Variants in TANC1 observed in about 807,000 individuals in gnomAD.
TANC1 encodes tetratricopeptide repeat, ankyrin repeat and coiled-coil containing 1.
Under a neutral mutation model 149.7 loss-of-function variants are expected in TANC1, and 77 were observed. The observed-to-expected ratio is 0.51, with a 90% CI of 0.43 to 0.62. The LOEUF is 0.62. Among genes scored for constraint, TANC1 ranks in the 20% least tolerant of loss-of-function variants. The probability of loss-of-function intolerance (pLI) is 0.00; values close to 1 mark genes in which losing one functional copy is unlikely to be tolerated. For missense variants in TANC1, 1,985 were observed against 2,321.8 expected (o/e 0.85, Z 2.98); for synonymous variants, 854 against 925.0 (o/e 0.92, Z 1.39).
chr2:159,147,904 A>T (rs188955278), intron 5 of TANC1: 1 of 152,146 alleles, frequency 6.6e-6, no homozygotes, highest in Non-Finnish European at 1.5e-5. Context: ...CAAAACTGAT[A>T]TGTGAGTGAC....
At chr2:159,190,352 A>G (rs1000165284) in intron 16 of TANC1, among the ~76,000 whole-genome samples, 1 of 152,150 alleles carries the variant, frequency 6.6e-6, no homozygotes, top group Non-Finnish European at 1.5e-5. Flanking sequence ...GATCCTGCCC[A>G]TCCTGTGGCT....
At chr2:159,132,552 G>C (rs1012944271) in intron 4 of TANC1, among the ~76,000 whole-genome samples, 2 of 151,882 alleles carry the variant, frequency 1.3e-5, no homozygotes, top group African/African-American at 4.8e-5. Context: ...GCAGTGGTGT[G>C]ATCTCAGCTC....
intron 2 of TANC1, among the ~76,000 whole-genome samples, chr2:159,049,759 AG>A (rs35956919): frequency 6.6e-6 from 1 of 152,176 alleles, no homozygotes; most frequent in Admixed American, 6.5e-5. Context: ...TGAACTAAAA[AG>A]GATGGTGCTT....
chr2:159,202,477 C>T (rs2058316528), intron 19 of TANC1, among the ~76,000 whole-genome samples: 5 of 152,110 alleles, frequency 3.3e-5, no homozygotes, highest in Admixed American at 2.0e-4. Context: ...CTGTTTTCAC[C>T]AGCATCCAGG....
intron 3 of TANC1, among the ~76,000 whole-genome samples, chr2:159,086,501 C>T (rs1043042297): frequency 1.3e-5 from 2 of 152,088 alleles, no homozygotes; most frequent in African/African-American, 2.4e-5. Context: ...GTGGGCATAG[C>T]TCGAGGTGCC....
chr2:159,208,324 G>A (rs2058760174), intron 19 of TANC1, among the ~76,000 whole-genome samples: 1 of 152,214 alleles, frequency 6.6e-6, no homozygotes, highest in African/African-American at 2.4e-5. Flanking sequence ...TACTTTGGAA[G>A]ATGGAGTCAT....
At chr2:159,084,772 A>G (rs1006683782) in intron 3 of TANC1, among the ~76,000 whole-genome samples, 3 of 152,220 alleles carry the variant, frequency 2.0e-5, no homozygotes, top group African/African-American at 7.2e-5. Context: ...GGGCTAAGTC[A>G]GACTTTCTTT....
intron 2 of TANC1, chr2:159,060,056 T>C: frequency 1.1e-6 from 1 of 886,838 alleles, no homozygotes; most frequent in Non-Finnish European, 1.4e-6. Flanking sequence ...ACTTTCTTGT[T>C]GCTAATATGA....
At position 159,196,750 on chromosome 2, in the gene TANC1, T is replaced by C; in HGVS notation, c.3122T>C (p.Leu1041Pro). 1 of 1,613,512 alleles carries C rather than the reference T, an allele frequency of 6.2e-7. No individual in the cohort carries two copies. The highest frequency in any genetic ancestry group is 8.5e-7 in the Non-Finnish European group (1 of 1,179,902). ...GGCACCCTGAGGAAGAGCCACGCCCTGCAGCAGGCGCTGACCGCGGCGGCC... is the reference window on the plus strand; with the variant it reads ...GGCACCCTGAGGAAGAGCCACGCCCCGCAGCAGGCGCTGACCGCGGCGGCC... ...QPGTLRKSHA[L>P]QQALTAAASM... Residue 1041 changes from leucine (L) to proline (P), a missense_variant, in exon 18 of 27, where the codon CTG becomes CCG. Physicochemically the swap from Leu to Pro is moderately conservative, Grantham distance 98 (BLOSUM62 -3). Around this residue, in one of 3 missense-constraint regions of TANC1, gnomAD observed 508 missense variants for 714.2 expected, o/e 0.71. Transcript: ENST00000263635.
At chr2:159,078,942 G>C (rs187753779) in intron 3 of TANC1, among the ~76,000 whole-genome samples, 1 of 150,370 alleles carries the variant, frequency 6.7e-6, no homozygotes, top group Non-Finnish European at 1.5e-5. Context: ...AGGCATGATA[G>C]TGTTGAAGAT....
chr2:159,225,731 G>T lies in TANC1; in HGVS notation c.3855G>T (p.Leu1285Phe). Residue 1285 changes from leucine (L) to phenylalanine (F), a missense_variant, in exon 24 of 27, where the codon TTG becomes TTT. Transcript: ENST00000263635. ...WAMATSKPDI[L>F]IILLQKLMEE... ...TGGCCACTTCCAAACCTGATATCTT[G>T]ATTATACTTTTACAGAAATTAATGG... The T allele has an allele frequency of 6.2e-7, 1 of 1,614,140 alleles. No homozygotes were observed. The highest frequency in any genetic ancestry group is 8.5e-7 in the Non-Finnish European group (1 of 1,179,992).
At chr2:159,209,954 T>C (rs2058871216) in intron 19 of TANC1, among the ~76,000 whole-genome samples, 1 of 152,294 alleles carries the variant, frequency 6.6e-6, no homozygotes, top group East Asian at 1.9e-4. Context: ...TTTTAAAATA[T>C]GGGAGAGGCC....
chr2:159,017,549 T>A (rs1187601167), intron 2 of TANC1, among the ~76,000 whole-genome samples: 2 of 152,170 alleles, frequency 1.3e-5, no homozygotes, highest in African/African-American at 4.8e-5. Context: ...AGACTGTGAA[T>A]GCAGACTGGA....
intron 24 of TANC1, chr2:159,225,980 C>A: frequency 1.1e-5 from 7 of 609,140 alleles, no homozygotes; most frequent in Admixed American, 3.0e-5. Context: ...CCAGGAATTC[C>A]AGACCAACCT....
At position 159,179,095 on chromosome 2, in the gene TANC1, C is replaced by T. The variant is rs368748418; in HGVS notation, c.2442C>T (p.His814=). 3 of 1,613,806 alleles carry T rather than the reference C, an allele frequency of 1.9e-6. No homozygotes were observed. Among genetic ancestry groups the T allele is most frequent in the Middle Eastern group, 1.6e-4 (1 of 6,062 alleles). The change falls in exon 14 of 27, where the codon CAC becomes CAT. Residue 814 remains histidine (H), a synonymous_variant. Coordinates refer to ENST00000263635, the MANE Select transcript of TANC1 (RefSeq NM_033394.3). The part of the protein sequence containing the change: ...KRRDKTRMFC[H]PSFREWLVWR... ...GAGACAAAACCCGCATGTTCTGCCA[C>T]CCGTCCTTCAGGGAGTGGCTTGTAT...
In TANC1 at chr2:158,989,571, C is replaced by T. The variant is rs78252234; in HGVS notation, c.-125-11509C>T. On this transcript the variant is annotated intron_variant, in intron 1 of 26. Coordinates refer to ENST00000263635, the MANE Select transcript of TANC1 (RefSeq NM_033394.3). ...GCTGCACTGAGCTATGATTGTGCCACTGCATTCCAGCTTAGGCAACAGAGC... is the reference window on the plus strand; with the variant it reads ...GCTGCACTGAGCTATGATTGTGCCATTGCATTCCAGCTTAGGCAACAGAGC... 1.9e-3 allele frequency among the ~76,000 whole-genome samples: 272 copies of T among 147,022 alleles called. 6 individuals carry two copies. The East Asian group carries it at 0.045, about 24-fold the overall frequency.
intron 19 of TANC1, among the ~76,000 whole-genome samples, chr2:159,201,886 C>T (rs2058272744): frequency 6.6e-6 from 1 of 152,210 alleles, no homozygotes; most frequent in Non-Finnish European, 1.5e-5. Context: ...CACCTGCCTG[C>T]CTTTGAACAG....
At chr2:159,071,390 TA>T (rs35389226) in intron 3 of TANC1, among the ~76,000 whole-genome samples, 8 of 140,618 alleles carry the variant, frequency 5.7e-5, no homozygotes, top group East Asian at 1.9e-4. Context: ...AGCAACTTGT[TA>T]AAAAAAAATT....
At chr2:158,988,832 G>A (rs574946949) in intron 1 of TANC1, among the ~76,000 whole-genome samples, 2 of 152,232 alleles carry the variant, frequency 1.3e-5, no homozygotes, top group East Asian at 1.9e-4. Context: ...ATGGCAGGTC[G>A]ACTGGACCCC....
Sources: gnomAD v4.1 joint callset for allele counts (sites outside exome capture counted in the v4.1 genomes callset) on GRCh38, gnomAD v4.1.1 for gene constraint, gnomAD v4.1.1 regional missense constraint, MANE v1.5 for transcripts, NCBI Gene and HGNC (gene_info 2026-07-23, HGNC 2026-07-21) for gene names.